Variants in NUDCD1 observed in about 807,000 individuals in gnomAD.
NUDCD1 encodes nudC domain-containing protein 1.
A neutral mutation model predicts 67.8 loss-of-function variants in NUDCD1; 60 were observed. The observed-to-expected ratio is 0.88, with a 90% CI of 0.72 to 1.10. The LOEUF (loss-of-function observed/expected upper bound fraction) is 1.10, where lower values mean the gene tolerates loss of function less well. NUDCD1 is among the 50% of genes least tolerant of loss of function. The pLI is 0.00. For synonymous variants in NUDCD1, 244 were observed against 230.8 expected, an observed-to-expected ratio of 1.06 and a Z score of -0.52; for missense variants, 643 against 695.0, an observed-to-expected ratio of 0.93 and a Z score of 0.84.
In NUDCD1 at chr8:109,253,814, A is replaced by G. The variant is rs151044584; in HGVS notation, c.1300-8333T>C. Among the ~76,000 whole-genome samples the G allele has an allele frequency of 3.3e-4, 50 of 152,360 alleles. No homozygotes were observed. The East Asian group carries it at 9.2e-3, about 28-fold the overall frequency. On this transcript the variant is annotated intron_variant, in intron 8 of 9. Coordinates refer to ENST00000239690, the MANE Select transcript of NUDCD1 (RefSeq NM_032869.4). ...ACGATTAAAGTATACTTACTGTATA[A>G]TCCTATAGACACAGAAAATATCAAT...
At chr8:109,302,958 T>C (rs1157805998) in intron 2 of NUDCD1, among the ~76,000 whole-genome samples, 1 of 152,186 alleles carries the variant, frequency 6.6e-6, no homozygotes, top group East Asian at 1.9e-4. Context: ...AAAGAAGAGT[T>C]GCAATTACTC....
chr8:109,305,151 A>C (rs951129132), intron 2 of NUDCD1, among the ~76,000 whole-genome samples: 1 of 152,038 alleles, frequency 6.6e-6, no homozygotes, highest in Admixed American at 6.6e-5. Flanking sequence ...CTACACATCA[A>C]GCTTGGGAAT....
At chr8:109,323,442 A>G (rs897420456) in intron 1 of NUDCD1, among the ~76,000 whole-genome samples, 1 of 152,116 alleles carries the variant, frequency 6.6e-6, no homozygotes, top group Non-Finnish European at 1.5e-5. Flanking sequence ...AATCTTGCCA[A>G]TTAGCACTTA....
In NUDCD1 at chr8:109,333,993, A is replaced by T. The variant is rs765323760; in HGVS notation, c.18T>A (p.Asn6Lys). The T allele has an allele frequency of 6.2e-7, 1 of 1,614,076 alleles. No homozygotes were observed. The highest frequency in any genetic ancestry group is 1.3e-5 in the African/African-American group (1 of 74,944). Reference protein sequence around the residue: MEVAANCSLRVKRPLL... With the variant: MEVAAKCSLRVKRPLL... ...GAGGTCTCTTCACCCGTAGGGAGCA[A>T]TTAGCCGCCACCTCCATCGCTTTCC... The change falls in exon 1 of 10, where the codon AAT becomes AAA. Residue 6 changes from asparagine (N) to lysine (K), a missense_variant. Transcript: ENST00000239690.
intron 1 of NUDCD1, among the ~76,000 whole-genome samples, chr8:109,326,073 T>C (rs1459988518): frequency 6.6e-6 from 1 of 152,192 alleles, no homozygotes; most frequent in Non-Finnish European, 1.5e-5. Context: ...CATGGTAACA[T>C]AAGGGCCTGA....
At position 109,245,375 on chromosome 8, in the gene NUDCD1, T is replaced by A. The variant is rs370651891; in HGVS notation, c.1406A>T (p.His469Leu). The stretch of plus-strand genomic sequence containing the variant: ...CCACATATCATCTTGTTTGCTGGAG[T>A]GTGGTTGCCAGAGTAGGGCATCAAC... ...HDVDALLWQP[H>L]SSKQDDMWEH... Residue 469 changes from histidine (H) to leucine (L), a missense_variant, in exon 9 of 10, where the codon CAC becomes CTC. By Grantham distance (99) the His-to-Leu change is moderately conservative (BLOSUM62 -3). Transcript: ENST00000239690. The A allele has an allele frequency of 1.2e-6, 2 of 1,613,844 alleles. No homozygotes were observed. The highest frequency in any genetic ancestry group is 3.3e-5 in the Admixed American group (2 of 59,992).
intron 1 of NUDCD1, among the ~76,000 whole-genome samples, chr8:109,324,748 C>A (rs976757568): frequency 9.2e-5 from 14 of 152,144 alleles, no homozygotes; most frequent in African/African-American, 2.9e-4. Flanking sequence ...GAAATTCTAT[C>A]ATTTGCAGCA....
intron 8 of NUDCD1, among the ~76,000 whole-genome samples, chr8:109,249,865 A>ATTT (rs1813583351): frequency 1.3e-5 from 1 of 76,238 alleles, no homozygotes; most frequent in African/African-American, 4.3e-5. Context: ...TTTTTTTTTG[A>ATTT]GATGGGGTCT....
chr8:109,329,858 C>T (rs1395774814), intron 1 of NUDCD1: 2 of 1,549,040 alleles, frequency 1.3e-6, no homozygotes, highest in Non-Finnish European at 1.7e-6. Flanking sequence ...ACATGGGACC[C>T]TTCAATACAA....
chr8:109,254,762 T>C (rs1229879902), intron 8 of NUDCD1, among the ~76,000 whole-genome samples: 1 of 152,126 alleles, frequency 6.6e-6, no homozygotes. Context: ...TGAAGACATT[T>C]AGACAACTTT....
At position 109,296,534 on chromosome 8, in the gene NUDCD1, T is replaced by G; in HGVS notation, c.309A>C (p.Arg103=). The stretch of plus-strand genomic sequence containing the variant: ...CACATGCTGTCAAATCTGTAGGAAG[T>G]CGAAACACCTCTCGTGGTTTTCCTA... The part of the protein sequence containing the change: ...TALGKPREVF[R]LPTDLTACDN... The change falls in exon 3 of 10, where the codon CGA becomes CGC. Residue 103 remains arginine, a synonymous_variant. Coordinates refer to ENST00000239690, the MANE Select transcript of NUDCD1 (RefSeq NM_032869.4). The G allele has an allele frequency of 3.1e-6, 5 of 1,609,812 alleles. No homozygotes were observed. The highest frequency in any genetic ancestry group is 4.2e-6 in the Non-Finnish European group (5 of 1,176,940).
chr8:109,294,201 AG>A (rs34469273), intron 3 of NUDCD1, among the ~76,000 whole-genome samples: 54,659 of 151,810 alleles, frequency 0.36, 10,649 homozygotes, highest in South Asian at 0.5. Context: ...GTTGAGAAAA[AG>A]CCTAACTGAA....
chr8:109,325,709 A>G (rs1420457359), intron 1 of NUDCD1, among the ~76,000 whole-genome samples: 2 of 152,250 alleles, frequency 1.3e-5, no homozygotes, highest in African/African-American at 4.8e-5. Flanking sequence ...TGGATTATGA[A>G]TGGACTGTAT....
At chr8:109,303,508 G>T (rs568636351) in intron 2 of NUDCD1, among the ~76,000 whole-genome samples, 2 of 152,070 alleles carry the variant, frequency 1.3e-5, no homozygotes, top group Non-Finnish European at 2.9e-5. Context: ...TGCCAATTTG[G>T]ACAACATTAT....
intron 8 of NUDCD1, among the ~76,000 whole-genome samples, chr8:109,261,123 C>A (rs941576645): frequency 6.6e-6 from 1 of 152,046 alleles, no homozygotes; most frequent in Non-Finnish European, 1.5e-5. Flanking sequence ...CTAGGGGAAA[C>A]ATATTCATTA....
chr8:109,282,965 A>G (rs1372753416), intron 5 of NUDCD1, among the ~76,000 whole-genome samples: 1 of 152,240 alleles, frequency 6.6e-6, no homozygotes, highest in Non-Finnish European at 1.5e-5. Context: ...GACACTCAGA[A>G]AAAAGACACA....
At chr8:109,316,424 A>AC (rs1198683027) in intron 2 of NUDCD1, 1 of 152,208 alleles carries the variant, frequency 6.6e-6, no homozygotes, top group Non-Finnish European at 1.5e-5. Flanking sequence ...CACTTTTACT[A>AC]CAACAGTTCA....
At chr8:109,296,678 T>A in intron 2 of NUDCD1, 109 bp from the exon 3 acceptor site, 1 of 728,504 alleles carries the variant, frequency 1.4e-6, no homozygotes, top group Non-Finnish European at 2.2e-6. Context: ...AGTTGGAGTC[T>A]AATTCCTCTT....
intron 2 of NUDCD1, among the ~76,000 whole-genome samples, chr8:109,313,572 G>T (rs1368267493): frequency 6.6e-6 from 1 of 152,100 alleles, no homozygotes. Context: ...AGCAACTTGT[G>T]TGTGATATAC....
Sources: gnomAD v4.1 joint callset for allele counts (sites outside exome capture counted in the v4.1 genomes callset) on GRCh38, gnomAD v4.1.1 for gene constraint, MANE v1.5 for transcripts, NCBI Gene and HGNC (gene_info 2026-07-23, HGNC 2026-07-21) for gene names.